JMJD1C: variants seen among roughly 807,000 people sequenced by gnomAD.
JMJD1C encodes the protein jumonji domain-containing protein 1C.
Under a neutral mutation model 245.3 loss-of-function variants are expected in JMJD1C, and 31 were observed. The observed-to-expected ratio is 0.13, with a 90% CI of 0.09 to 0.17. The LOEUF (loss-of-function observed/expected upper bound fraction) is 0.17. Among genes scored for constraint, JMJD1C ranks in the 10% least tolerant of loss-of-function variants. The probability of loss-of-function intolerance (pLI) is 1.00; values close to 1 mark genes in which losing one functional copy is unlikely to be tolerated. For missense variants in JMJD1C, 2,691 were observed against 3,000.2 expected, an observed-to-expected ratio of 0.90 and a Z score of 2.41; for synonymous variants, 1,057 against 1,017.4, an observed-to-expected ratio of 1.04 and a Z score of -0.74.
At chr10:63,303,731 T>C (rs1860364623) in intron 2 of JMJD1C, among the ~76,000 whole-genome samples, 1 of 152,198 alleles carries the variant, frequency 6.6e-6, no homozygotes, top group African/African-American at 2.4e-5. Flanking sequence ...ATTTCATGCA[T>C]CTAAGATCAA....
rs34238197 is a variant in JMJD1C, at chr10:63,338,640, A to ATTTTTTT, written c.333+41671_333+41677dup. The stretch of plus-strand genomic sequence containing the variant: ...AATCAAATATCTTTCTGCTCCTTAG[A>ATTTTTTT]TTTTTTTTTTTTTTTTTTTTTTTTT... On this transcript the variant is annotated intron_variant, in intron 2 of 25. Coordinates refer to ENST00000399262, the MANE Select transcript of JMJD1C (RefSeq NM_032776.3). 8.3e-4 allele frequency among the ~76,000 whole-genome samples: 79 copies of ATTTTTTT among 95,118 alleles called. 4 individuals carry two copies. Among genetic ancestry groups the ATTTTTTT allele is most frequent in the African/African-American group, 1.8e-3 (43 of 23,748 alleles). The allele number at this position is 95,118 out of a possible 152,430, so 62.4% of individuals were successfully genotyped here. A position where few individuals can be genotyped will look rare whatever the true frequency, so the allele number is the denominator to read the frequency against.
At chr10:63,514,800 A>T (rs1311756189) in intron 1 of JMJD1C, among the ~76,000 whole-genome samples, 1 of 152,112 alleles carries the variant, frequency 6.6e-6, no homozygotes, top group Non-Finnish European at 1.5e-5. Context: ...AAGTAAAAAT[A>T]CGTAAAAAAA....
At chr10:63,355,728 T>C (rs1021056433) in intron 2 of JMJD1C, among the ~76,000 whole-genome samples, 8 of 152,138 alleles carry the variant, frequency 5.3e-5, no homozygotes, top group African/African-American at 1.9e-4. Flanking sequence ...CTATGATGTT[T>C]TCCCTAGTTA....
chr10:63,177,885 G>C, intron 22 of JMJD1C, 29 bp from the exon 23 acceptor site: 2 of 1,607,268 alleles, frequency 1.2e-6, no homozygotes, highest in Non-Finnish European at 1.7e-6. Flanking sequence ...ATTTCAAATT[G>C]TCGGCAAAGA....
At chr10:63,427,189 G>C (rs1589727540) in intron 1 of JMJD1C, 1 of 166,128 alleles carries the variant, frequency 6.0e-6, no homozygotes, top group East Asian at 1.7e-4. Flanking sequence ...TGGTGACTGA[G>C]CTACGAGCCT....
intron 2 of JMJD1C, among the ~76,000 whole-genome samples, chr10:63,295,124 GTCGTTGGGGCTGGAGTACAGTGGCTTGA>G (rs1489572317): frequency 1.3e-5 from 2 of 152,100 alleles, no homozygotes; most frequent in African/African-American, 4.8e-5. Flanking sequence ...ATCTCTCCGT[GTCGTTGGGGCTGGAGTACAGTGGCTTGA>G]TCATGGCTCA....
At chr10:63,375,430 TAGA>T (rs1946654882) in intron 2 of JMJD1C, among the ~76,000 whole-genome samples, 2 of 151,986 alleles carry the variant, frequency 1.3e-5, no homozygotes, top group Non-Finnish European at 2.9e-5. Context: ...ATAAATTACC[TAGA>T]AGATGAAATA....
chr10:63,498,310 C>T (rs147885906), intron 1 of JMJD1C, among the ~76,000 whole-genome samples: 1 of 152,246 alleles, frequency 6.6e-6, no homozygotes, highest in East Asian at 1.9e-4. Flanking sequence ...CTTTAATATT[C>T]TATTCTCATC....
chr10:63,406,822 A>G (rs1317361183), intron 1 of JMJD1C, among the ~76,000 whole-genome samples: 1 of 152,204 alleles, frequency 6.6e-6, no homozygotes, highest in Non-Finnish European at 1.5e-5. Flanking sequence ...ACAGGGCTCT[A>G]TCATTACACT....
intron 3 of JMJD1C, among the ~76,000 whole-genome samples, chr10:63,262,537 A>G (rs1308567211): frequency 6.6e-6 from 1 of 152,200 alleles, no homozygotes; most frequent in Non-Finnish European, 1.5e-5. Flanking sequence ...AAGAAATTCT[A>G]AAACTAAGGT....
At chr10:63,496,405 AG>A (rs1564970759) in intron 1 of JMJD1C, among the ~76,000 whole-genome samples, 1 of 152,224 alleles carries the variant, frequency 6.6e-6, no homozygotes, top group East Asian at 1.9e-4. Flanking sequence ...GAAACTACCT[AG>A]GGGTAGCTCT....
Position 63,208,126 on chromosome 10 carries a change from A to C in JMJD1C, c.3543T>G (p.Asn1181Lys), listed in dbSNP as rs1846875074. ...IASHSVTTFRNDCRSPTHLTV... is the reference protein window; with the variant it reads ...IASHSVTTFRKDCRSPTHLTV... ...TCAAATGGGTAGGACTCCTACAATC[A>C]TTTCTGAAGGTTGTTACTGAGTGAG... is the stretch of plus-strand genomic sequence containing the variant. Residue 1181 changes from asparagine (N) to lysine (K), a missense_variant, in exon 10 of 26, where the codon AAT (asparagine) becomes AAG (lysine). By Grantham distance (94) the Asn-to-Lys change is moderately conservative. This residue lies in a region of JMJD1C where 1,562 missense variants were observed against 1,490.7 expected (regional missense o/e 1.05). Transcript: ENST00000399262. 6 of 1,614,146 alleles carry C rather than the reference A, an allele frequency of 3.7e-6. No homozygotes were observed. In the African/African-American group the frequency reaches 4.0e-5, roughly 11 times the overall value.
chr10:63,370,431 A>G (rs1227867106), intron 2 of JMJD1C, among the ~76,000 whole-genome samples: 5 of 152,206 alleles, frequency 3.3e-5, no homozygotes, highest in African/African-American at 1.2e-4. Flanking sequence ...TGTGGTAGAT[A>G]TTACTATTAT....
chr10:63,383,914 T>A (rs1009793297), intron 1 of JMJD1C, among the ~76,000 whole-genome samples: 7 of 152,110 alleles, frequency 4.6e-5, no homozygotes, highest in Admixed American at 6.5e-5. Context: ...CAACAAAAGT[T>A]TGTCACATCT....
chr10:63,310,288 G>A (rs1264345452), intron 2 of JMJD1C, among the ~76,000 whole-genome samples: 15 of 152,140 alleles, frequency 9.9e-5, no homozygotes, highest in Admixed American at 9.8e-4. Context: ...CTTCTTTTAT[G>A]TATTAAGCTA....
At chr10:63,505,272 G>A (rs1016332284) in intron 1 of JMJD1C, among the ~76,000 whole-genome samples, 11 of 148,678 alleles carry the variant, frequency 7.4e-5, no homozygotes, top group Admixed American at 1.3e-4. Context: ...AGCCGAGATC[G>A]CGCCACTGCA....
At chr10:63,338,002 A>G (rs1943010406) in intron 2 of JMJD1C, among the ~76,000 whole-genome samples, 2 of 152,244 alleles carry the variant, frequency 1.3e-5, no homozygotes, top group African/African-American at 4.8e-5. Flanking sequence ...ATCTTCATAA[A>G]GAAAGCTGAG....
chr10:63,243,116 TATATATATAA>T (rs1358177348), intron 3 of JMJD1C, among the ~76,000 whole-genome samples: 2,008 of 90,832 alleles, frequency 0.022, 90 homozygotes, highest in Non-Finnish European at 0.025. Context: ...TATATATATA[TATATATATAA>T]ATATATATAT....
intron 1 of JMJD1C, among the ~76,000 whole-genome samples, chr10:63,434,522 G>A (rs1191066380): frequency 2.0e-5 from 3 of 152,050 alleles, no homozygotes; most frequent in Non-Finnish European, 4.4e-5. Context: ...TACTAGAGAG[G>A]AATAAGCTAC....
Sources: gnomAD v4.1 joint callset for allele counts (sites outside exome capture counted in the v4.1 genomes callset) on GRCh38, gnomAD v4.1.1 for gene constraint, gnomAD v4.1.1 regional missense constraint, MANE v1.5 for transcripts, NCBI Gene and HGNC (gene_info 2026-07-23, HGNC 2026-07-21) for gene names.